STXBP6: variants seen among roughly 807,000 people sequenced by gnomAD.
The protein encoded by STXBP6 is syntaxin-binding protein 6.
STXBP6 carries 21 observed loss-of-function variants against 26.9 expected under a neutral mutation model. The observed-to-expected ratio is 0.78, with a 90% CI of 0.55 to 1.12. STXBP6 has a LOEUF of 1.12. Ranked by LOEUF, STXBP6 falls within the 50% of genes most tolerant of loss-of-function variation. STXBP6 has a pLI of 0.00. For synonymous variants in STXBP6, 97 were observed against 92.6 expected (o/e 1.05, Z -0.27); for missense variants, 232 against 257.9 (o/e 0.90, Z 0.69).
At chr14:25,007,588 G>C (rs1047936074) in intron 1 of STXBP6, among the ~76,000 whole-genome samples, 1 of 152,142 alleles carries the variant, frequency 6.6e-6, no homozygotes, top group African/African-American at 2.4e-5. Flanking sequence ...GTGTGTGTCT[G>C]TCTCCCCCAC....
At position 25,049,182 on chromosome 14, in the gene STXBP6, T is replaced by C. The variant is rs1322423357; in HGVS notation, c.-33+696A>G. The C allele has an allele frequency of 5.1e-6, 5 of 984,986 alleles. No individual in the cohort carries two copies. The African/African-American group carries it at 8.8e-5, about 17-fold the overall frequency. 61.0% of individuals were successfully genotyped at this position (984,986 alleles called of 1,614,324 possible). On this transcript the variant is annotated intron_variant, in intron 1 of 5. Coordinates refer to ENST00000323944, the MANE Select transcript of STXBP6 (RefSeq NM_001394410.1). The surrounding 1 kb of genome is among the most constrained non-coding windows in gnomAD (Gnocchi z 5.6). ...GGGGTGTTGTAAACCTGAGGAAAGG[T>C]TGGAGGGAAAATCAAGCCACCCACC...
At chr14:25,027,761 C>A (rs940476341) in intron 1 of STXBP6, among the ~76,000 whole-genome samples, 17 of 152,190 alleles carry the variant, frequency 1.1e-4, no homozygotes, top group African/African-American at 3.9e-4. Flanking sequence ...CCCCAAACAG[C>A]CAAGTTGGGA....
intron 1 of STXBP6, among the ~76,000 whole-genome samples, chr14:24,977,351 T>G (rs1013130365): frequency 6.6e-6 from 1 of 152,204 alleles, no homozygotes; most frequent in Non-Finnish European, 1.5e-5. Flanking sequence ...TCCTGTTCTT[T>G]TTAAAAACTG....
At chr14:24,814,319 T>C (rs2067908031) in intron 5 of STXBP6, among the ~76,000 whole-genome samples, 1 of 152,252 alleles carries the variant, frequency 6.6e-6, no homozygotes, top group African/African-American at 2.4e-5. Flanking sequence ...CTACGGCCTC[T>C]ACTTCTTGCT....
chr14:24,894,813 G>T (rs1259868175), intron 2 of STXBP6, among the ~76,000 whole-genome samples: 1 of 152,094 alleles, frequency 6.6e-6, no homozygotes, highest in Admixed American at 6.5e-5. Context: ...GGAGACCGTG[G>T]CTTCCCAATT....
At chr14:24,913,003 T>C (rs1340442621) in intron 2 of STXBP6, among the ~76,000 whole-genome samples, 1 of 152,188 alleles carries the variant, frequency 6.6e-6, no homozygotes, top group African/African-American at 2.4e-5. Flanking sequence ...AATTATTCTT[T>C]GCAATCCTGA....
intron 1 of STXBP6, among the ~76,000 whole-genome samples, chr14:25,003,027 T>C (rs892701816): frequency 2.0e-5 from 3 of 152,198 alleles, no homozygotes; most frequent in African/African-American, 7.2e-5. Flanking sequence ...GCGGCCGGCC[T>C]AATGTACAGA....
At chr14:24,828,998 A>C (rs1489455267) in intron 4 of STXBP6, among the ~76,000 whole-genome samples, 1 of 152,176 alleles carries the variant, frequency 6.6e-6, no homozygotes, top group Non-Finnish European at 1.5e-5. Context: ...GGTTCCCATG[A>C]AGACCCAGTG....
rs1413750581 is a variant in STXBP6 at position 24,812,295 on chromosome 14, C to G, written c.*414G>C. 1 of 164,816 alleles carries G rather than the reference C, an allele frequency of 6.1e-6. No individual in the cohort carries two copies. The allele number at this position is 164,816 out of a possible 1,614,324, so 10.2% of individuals were successfully genotyped here. On this transcript the variant is annotated 3_prime_UTR_variant, in exon 6 of 6. Coordinates refer to ENST00000323944, the MANE Select transcript of STXBP6 (RefSeq NM_001394410.1). The stretch of plus-strand genomic sequence containing the variant: ...ATCTAGGAAAAATAACATCTGATGT[C>G]ACCACATTAAAATGCCTTCCTGCTT...
At chr14:25,006,909 AG>A (rs1193975350) in intron 1 of STXBP6, among the ~76,000 whole-genome samples, 3 of 152,168 alleles carry the variant, frequency 2.0e-5, no homozygotes, top group Admixed American at 2.0e-4. Context: ...AGCAATAGGT[AG>A]AAACAATTCC....
chr14:24,829,209 G>T (rs2068380446), intron 4 of STXBP6, among the ~76,000 whole-genome samples: 1 of 152,078 alleles, frequency 6.6e-6, no homozygotes, highest in Non-Finnish European at 1.5e-5. Flanking sequence ...CTATGGTGTT[G>T]CTTGTTCATT....
intron 1 of STXBP6, among the ~76,000 whole-genome samples, chr14:25,000,086 G>A (rs1274051496): frequency 6.7e-6 from 1 of 149,334 alleles, no homozygotes; most frequent in African/African-American, 2.5e-5. Context: ...TTTTTGAGAC[G>A]GAGTCTTGCT....
At chr14:24,828,362 G>A (rs181372580) in intron 4 of STXBP6, among the ~76,000 whole-genome samples, 190 of 152,198 alleles carry the variant, frequency 1.2e-3, no homozygotes, top group Non-Finnish European at 2.2e-3. Context: ...ATATGACTTC[G>A]TGGAAGCCAT....
intron 1 of STXBP6, among the ~76,000 whole-genome samples, chr14:25,047,872 G>T (rs1025530947): frequency 1.3e-5 from 2 of 152,110 alleles, no homozygotes; most frequent in African/African-American, 4.8e-5. Context: ...TCCATTCCAG[G>T]ATCTGCTGAC....
At chr14:24,927,328 A>T (rs1055549407) in intron 2 of STXBP6, among the ~76,000 whole-genome samples, 1 of 152,130 alleles carries the variant, frequency 6.6e-6, no homozygotes, top group African/African-American at 2.4e-5. Context: ...ACATTCCCTG[A>T]AATGTTAATC....
chr14:24,967,814 T>G (rs765162599), intron 2 of STXBP6, among the ~76,000 whole-genome samples: 1 of 152,196 alleles, frequency 6.6e-6, no homozygotes, highest in Non-Finnish European at 1.5e-5. Context: ...TCTCTATCAA[T>G]TGTGAAGAGT....
intron 1 of STXBP6, among the ~76,000 whole-genome samples, chr14:24,998,123 C>A (rs2074653622): frequency 6.6e-6 from 1 of 152,042 alleles, no homozygotes; most frequent in African/African-American, 2.4e-5. Context: ...TTTTAATTAA[C>A]CCTCTACCCC....
intron 4 of STXBP6, among the ~76,000 whole-genome samples, chr14:24,834,341 T>A (rs1432145310): frequency 6.6e-6 from 1 of 152,172 alleles, no homozygotes; most frequent in Non-Finnish European, 1.5e-5. Context: ...AACTTACAGG[T>A]TCAAATTTTA....
rs554744991 is a variant in STXBP6, at chr14:25,000,149, A to ACCT, written c.-32-25302_-32-25300dup. Among the ~76,000 whole-genome samples the ACCT allele has an allele frequency of 3.3e-5, 5 of 151,130 alleles. No individual in the cohort carries two copies. The East Asian group carries it at 9.8e-4, about 30-fold the overall frequency. Reference sequence around the variant, plus strand: ...AGGATCTCGGCTCACTGCAAGCTCCACCTCCTAGGCTCACGCCATTCTCCT... The same window carrying ACCT: ...AGGATCTCGGCTCACTGCAAGCTCCACCTCCTCCTAGGCTCACGCCATTCTCCT... On this transcript the variant is annotated intron_variant, in intron 1 of 5. Coordinates refer to ENST00000323944, the MANE Select transcript of STXBP6 (RefSeq NM_001394410.1).
Sources: allele counts gnomAD v4.1 joint callset (sites outside exome capture counted in the v4.1 genomes callset), GRCh38; gene constraint gnomAD v4.1.1; non-coding constraint Gnocchi (gnomAD v3.1); transcripts MANE v1.5; gene names NCBI Gene and HGNC (gene_info 2026-07-23, HGNC 2026-07-21).